The following CEACAM20 variants were observed in gnomAD, a reference collection of about 807,000 sequenced individuals.
CEACAM20 encodes the protein CEA cell adhesion molecule 20.
In CEACAM20, 50 loss-of-function variants were observed where a neutral mutation model predicts 61.2. The ratio of observed to expected loss-of-function variants is 0.82; its 90% CI spans 0.65 to 1.03. The LOEUF is 1.03. Ranked by LOEUF, CEACAM20 falls within the 50% of genes least tolerant of loss-of-function variation. CEACAM20 has a pLI of 0.00. For missense variants in CEACAM20, 683 were observed against 736.4 expected (o/e 0.93, Z 0.84); for synonymous variants, 282 against 287.7 (o/e 0.98, Z 0.20).
intron 6 of CEACAM20, among the ~76,000 whole-genome samples, chr19:44,515,333 G>A (rs1017407827): frequency 2.6e-5 from 4 of 152,040 alleles, no homozygotes; most frequent in African/African-American, 7.2e-5. Context: ...CAATATCCCC[G>A]TGAGCATCAA....
chr19:44,523,995 C>T lies in CEACAM20; in HGVS notation c.463G>A (p.Asp155Asn). The change falls in exon 3 of 12, where the codon GAT becomes AAT. Residue 155 changes from aspartate (D) to asparagine (N), a missense_variant. By Grantham distance (23) the Asp-to-Asn change is conservative (BLOSUM62 1). Transcript: ENST00000614924. Reference sequence around the variant, plus strand: ...ATGGAAAGGGACTCACACTTCACATCCAGGAAGATGGGGTCGCTCCTCTGG... The same window carrying T: ...ATGGAAAGGGACTCACACTTCACATTCAGGAAGATGGGGTCGCTCCTCTGG... ...LSQRSDPIFL[D>N]VKYGPDPVEI... 6.4e-7 allele frequency: 1 copy of T among 1,551,302 alleles called. No homozygotes were observed. Among genetic ancestry groups the T allele is most frequent in the Admixed American group, 2.0e-5 (1 of 50,986 alleles).
At chr19:44,515,216 CA>C (rs1268189042) in intron 6 of CEACAM20, among the ~76,000 whole-genome samples, 1 of 106,670 alleles carries the variant, frequency 9.4e-6, no homozygotes, top group Admixed American at 9.5e-5. Flanking sequence ...AGATGCTTGA[CA>C]AATGATGATG....
At chr19:44,507,951 G>A (rs1368278547) in intron 11 of CEACAM20, among the ~76,000 whole-genome samples, 1 of 152,188 alleles carries the variant, frequency 6.6e-6, no homozygotes, top group East Asian at 1.9e-4. Flanking sequence ...TTATCTGTCT[G>A]TTAGGCTAAA....
In CEACAM20 at chr19:44,524,131, C is replaced by G; in HGVS notation, c.327G>C (p.Val109=). 6.8e-6 allele frequency: 11 copies of G among 1,612,814 alleles called. No homozygotes were observed. Among genetic ancestry groups the G allele is most frequent in the Non-Finnish European group, 9.3e-6 (11 of 1,179,416 alleles). ...IHWVSNNLSI[V]FHERMQLSKD... ...TGGACAGCTGCATGCGCTCATGGAA[C>G]ACAATGGAGAGGTTGTTGGAAACCC... is the stretch of plus-strand genomic sequence containing the variant. Residue 109 remains valine (V), a synonymous_variant, in exon 3 of 12, where the codon GTG becomes GTC. Coordinates refer to ENST00000614924, the MANE Select transcript of CEACAM20 (RefSeq NM_001102597.3).
At chr19:44,524,583 C>G (rs902951493) in intron 2 of CEACAM20, among the ~76,000 whole-genome samples, 5 of 152,242 alleles carry the variant, frequency 3.3e-5, no homozygotes, top group African/African-American at 9.6e-5. Flanking sequence ...CCCCTACCCA[C>G]TCTTTTTCTT....
chr19:44,513,927 A>G (rs1351834905), intron 6 of CEACAM20, among the ~76,000 whole-genome samples: 1 of 152,160 alleles, frequency 6.6e-6, no homozygotes, highest in East Asian at 1.9e-4. Context: ...TTCATTTTCT[A>G]TATATATAGT....
intron 4 of CEACAM20, 93 bp from the exon 5 acceptor site, chr19:44,520,845 C>A (rs75302460): frequency 2.1e-6 from 2 of 974,854 alleles, no homozygotes; most frequent in South Asian, 1.5e-5. Context: ...GGAGTGCGTG[C>A]GTGTGTGTGT....
At chr19:44,517,752 G>A (rs1971212937) in intron 5 of CEACAM20, among the ~76,000 whole-genome samples, 1 of 151,292 alleles carries the variant, frequency 6.6e-6, no homozygotes, top group Non-Finnish European at 1.5e-5. Flanking sequence ...TCAAAGAAGT[G>A]TTTTAGGTCA....
At chr19:44,518,176 AGGC>A (rs1971248070) in intron 5 of CEACAM20, among the ~76,000 whole-genome samples, 1 of 125,954 alleles carries the variant, frequency 7.9e-6, no homozygotes, top group Non-Finnish European at 1.7e-5. Context: ...GGAAGAAAGC[AGGC>A]AGGCAGGCAG....
chr19:44,527,617 C>T (rs1971566799), intron 1 of CEACAM20, among the ~76,000 whole-genome samples: 1 of 152,104 alleles, frequency 6.6e-6, no homozygotes, highest in Non-Finnish European at 1.5e-5. Flanking sequence ...TTTCTTCTCA[C>T]AGGGTCCTGC....
At chr19:44,506,426 G>A (rs1970820255) in intron 11 of CEACAM20, among the ~76,000 whole-genome samples, 1 of 152,164 alleles carries the variant, frequency 6.6e-6, no homozygotes, top group Non-Finnish European at 1.5e-5. Flanking sequence ...AGACTCTAAA[G>A]TGGTCCCCAT....
At chr19:44,522,511 G>A (rs913461022) in intron 4 of CEACAM20, 123 bp downstream of exon 4, 34 of 1,010,530 alleles carry the variant, frequency 3.4e-5, no homozygotes, top group Non-Finnish European at 4.4e-5. Context: ...TCAATGTCAT[G>A]CAGGGATTTC....
chr19:44,514,975 T>C (rs538981282), intron 6 of CEACAM20, among the ~76,000 whole-genome samples: 1 of 151,792 alleles, frequency 6.6e-6, no homozygotes, highest in East Asian at 1.9e-4. Flanking sequence ...AGTAGTGTGA[T>C]TACAGGTACC....
intron 5 of CEACAM20, 120 bp from the exon 6 acceptor site, chr19:44,517,344 C>T: frequency 8.0e-7 from 1 of 1,243,402 alleles, no homozygotes; most frequent in Non-Finnish European, 1.1e-6. Context: ...CCTTTTCCTC[C>T]TTAGCTCTCT....
chr19:44,526,832 C>A (rs1423799786), intron 1 of CEACAM20, among the ~76,000 whole-genome samples: 1 of 151,946 alleles, frequency 6.6e-6, no homozygotes, highest in African/African-American at 2.4e-5. Context: ...CGAGATTGTG[C>A]CACTGCACTC....
chr19:44,509,792 TG>T (rs1159707035), intron 11 of CEACAM20, among the ~76,000 whole-genome samples: 1 of 148,616 alleles, frequency 6.7e-6, no homozygotes, highest in Non-Finnish European at 1.5e-5. Flanking sequence ...AAGAAGGGAA[TG>T]GGAAAAAAGA....
intron 11 of CEACAM20, among the ~76,000 whole-genome samples, chr19:44,510,015 GT>G (rs1274626233): frequency 1.3e-5 from 2 of 152,084 alleles, no homozygotes; most frequent in Admixed American, 6.6e-5. Flanking sequence ...ACGAAATAAA[GT>G]CGTGGGATGG....
At chr19:44,509,384 G>T (rs1970908171) in intron 11 of CEACAM20, among the ~76,000 whole-genome samples, 1 of 151,444 alleles carries the variant, frequency 6.6e-6, no homozygotes, top group Non-Finnish European at 1.5e-5. Context: ...GAAAAGGGGG[G>T]AAATGGAATG....
chr19:44,517,554 G>T (rs945888624), intron 5 of CEACAM20, among the ~76,000 whole-genome samples: 1 of 151,950 alleles, frequency 6.6e-6, no homozygotes, highest in East Asian at 1.9e-4. Context: ...AAAATTAGCC[G>T]GGCGTAGTGG....
Sources: allele counts gnomAD v4.1 joint callset (sites outside exome capture counted in the v4.1 genomes callset), GRCh38; gene constraint gnomAD v4.1.1; transcripts MANE v1.5; gene names NCBI Gene and HGNC (gene_info 2026-07-23, HGNC 2026-07-21).